The following LMBR1L variants were observed in gnomAD, a reference collection of about 807,000 sequenced individuals.
LMBR1L encodes limb development membrane protein 1 like.
A neutral mutation model predicts 67.3 loss-of-function variants in LMBR1L; 47 were observed. The ratio of observed to expected loss-of-function variants is 0.70; its 90% CI spans 0.55 to 0.89. LMBR1L has a LOEUF of 0.89. LMBR1L is among the 40% of genes least tolerant of loss of function. The pLI, the probability that LMBR1L is intolerant of heterozygous loss-of-function variation, is 0.00. For synonymous variants in LMBR1L, 247 were observed against 250.3 expected (o/e 0.99, Z 0.13); for missense variants, 533 against 599.2 (o/e 0.89, Z 1.15).
intron 1 of LMBR1L, chr12:49,110,169 A>C: frequency 1.8e-6 from 1 of 558,266 alleles, no homozygotes; most frequent in Non-Finnish European, 3.4e-6. Context: ...AGACTAAGGC[A>C]GACTCCGCAG....
In LMBR1L at chr12:49,104,856, AT is replaced by A; in HGVS notation, c.220del (p.Ile74LeufsTer83). 6.2e-7 allele frequency: 1 copy of A among 1,613,356 alleles called. No homozygotes were observed. The highest frequency in any genetic ancestry group is 1.1e-5 in the South Asian group (1 of 90,918). On this transcript the variant is annotated frameshift_variant, in exon 4 of 17. Coordinates refer to ENST00000267102, the MANE Select transcript of LMBR1L (RefSeq NM_018113.4). LOFTEE classifies it high-confidence loss of function. Reference protein sequence around the residue: ...ALELCTFTLAIALGAVLLLPF... With the variant: ...ALELCTFTLAXALGAVLLLPF... ...CAGGAGCAGGACAGCACCCAGGGCAATTGCCAGGGTAAAGGTGCACAGCTCG... is the reference window on the plus strand; with the variant it reads ...CAGGAGCAGGACAGCACCCAGGGCAATGCCAGGGTAAAGGTGCACAGCTCG...
chr12:49,108,134 A>G (rs1244715251), intron 1 of LMBR1L, among the ~76,000 whole-genome samples: 1 of 152,094 alleles, frequency 6.6e-6, no homozygotes, highest in African/African-American at 2.4e-5. Context: ...GTGGTGGTGC[A>G]TACCTGTAAT....
chr12:49,104,133 G>A, intron 5 of LMBR1L: 1 of 473,222 alleles, frequency 2.1e-6, no homozygotes, highest in Non-Finnish European at 3.7e-6. Context: ...ATGGAAGGTA[G>A]AAAAAAGGTG....
At position 49,106,985 on chromosome 12, in the gene LMBR1L, T is replaced by G; in HGVS notation, c.133A>C (p.Lys45Gln). ...CCTGTGGTGAACTCAGCAGGCTTCT[T>G]GAAGCGGGTCAGGAAGATGTGGCAG... Reference protein sequence around the residue: ...ILCHIFLTRFKKPAEFTTVDD... With the variant: ...ILCHIFLTRFQKPAEFTTVDD... The change falls in exon 2 of 17, where the codon AAG becomes CAG. Residue 45 changes from lysine (K) to glutamine (Q), a missense_variant. Around this residue, in one of 3 missense-constraint regions of LMBR1L, gnomAD observed 246 missense variants for 249.0 expected, o/e 0.99. Transcript: ENST00000267102. 1 of 1,613,440 alleles carries G rather than the reference T, an allele frequency of 6.2e-7. No individual in the cohort carries two copies. Among genetic ancestry groups the G allele is most frequent in the Non-Finnish European group, 8.5e-7 (1 of 1,179,374 alleles).
In LMBR1L at chr12:49,097,724, G is replaced by A. The variant is rs780315300; in HGVS notation, c.1418C>T (p.Pro473Leu). ...LIRAFGLDRL[P>L]LPVSGFPQAS... ...CTGGGGGAAACCGGAGACGGGCAGCGGCAGTCTGTCCAGCCCTGGAGAAGA... is the reference window on the plus strand; with the variant it reads ...CTGGGGGAAACCGGAGACGGGCAGCAGCAGTCTGTCCAGCCCTGGAGAAGA... Residue 473 changes from proline (P) to leucine (L), a missense_variant, in exon 17 of 17, where the codon CCG (proline) becomes CTG (leucine). By Grantham distance (98) the Pro-to-Leu change is moderately conservative. Around this residue, in one of 3 missense-constraint regions of LMBR1L, gnomAD observed 223 missense variants for 241.2 expected, o/e 0.92. Transcript: ENST00000267102. 15 of 1,613,866 alleles carry A rather than the reference G, an allele frequency of 9.3e-6. No homozygotes were observed. Among genetic ancestry groups the A allele is most frequent in the East Asian group, 4.5e-5 (2 of 44,896 alleles).
At chr12:49,101,664 C>G (rs1330039683) in intron 11 of LMBR1L, 115 bp from the exon 12 acceptor site, 7 of 732,816 alleles carry the variant, frequency 9.6e-6, no homozygotes, top group African/African-American at 1.8e-5. Context: ...AGCTCTGCTT[C>G]CAATGAGCTA....
intron 13 of LMBR1L, 101 bp downstream of exon 13, chr12:49,101,149 C>T (rs1940117569): frequency 1.2e-6 from 2 of 1,610,286 alleles, no homozygotes; most frequent in African/African-American, 1.3e-5. Flanking sequence ...ATCAGCGTTG[C>T]TCAGAGTCCC....
rs767969669 is a variant in LMBR1L, at chr12:49,100,365, T to A, written c.1240+23A>T. ...AGTACTCAAAAAAATCCAATTCCTT[T>A]ATCTCCTCCTTTCAATACTTACCCA... On this transcript the variant is annotated intron_variant, in intron 15 of 16. Transcript: ENST00000267102. 3.1e-6 allele frequency: 5 copies of A among 1,596,110 alleles called. No individual in the cohort carries two copies. In the African/African-American group the frequency reaches 6.8e-5, roughly 22 times the overall value.
At chr12:49,103,551 T>C (rs1940492600) in intron 6 of LMBR1L, 136 bp downstream of exon 6, 1 of 1,065,310 alleles carries the variant, frequency 9.4e-7, no homozygotes, top group African/African-American at 1.6e-5. Flanking sequence ...TTTGGCCAGA[T>C]GTCTATCAGT....
At chr12:49,102,415 A>G (rs377556839) in intron 9 of LMBR1L, 39 bp from the exon 10 acceptor site, 1 of 1,613,498 alleles carries the variant, frequency 6.2e-7, no homozygotes, top group Non-Finnish European at 8.5e-7. Context: ...CAAGTCCTGC[A>G]GTTTCTGCCC....
Position 49,100,605 on chromosome 12 carries a change from G to A in LMBR1L, c.1124C>T (p.Pro375Leu). Reference sequence around the variant, plus strand: ...TCTGGGCCGCAGGCTCCGGAAGAGTGGAGAGCTATAGAAGCCCACAACTGA... The same window carrying A: ...TCTGGGCCGCAGGCTCCGGAAGAGTAGAGAGCTATAGAAGCCCACAACTGA... ...VSSVVGFYSS[P>L]LFRSLRPRWH... is the part of the protein sequence containing the mutation. The change falls in exon 14 of 17, where the codon CCA (proline) becomes CTA (leucine). Residue 375 changes from proline to leucine, a missense_variant. Physicochemically the swap from Pro to Leu is moderately conservative, Grantham distance 98. Around this residue, in one of 3 missense-constraint regions of LMBR1L, gnomAD observed 223 missense variants for 241.2 expected, o/e 0.92. Transcript: ENST00000267102. 1 of 1,614,176 alleles carries A rather than the reference G, an allele frequency of 6.2e-7. No homozygotes were observed. The highest frequency in any genetic ancestry group is 1.1e-5 in the South Asian group (1 of 91,078).
chr12:49,108,819 T>C (rs541357800), intron 1 of LMBR1L, among the ~76,000 whole-genome samples: 7 of 152,044 alleles, frequency 4.6e-5, no homozygotes, highest in Middle Eastern at 3.4e-3. Context: ...GAATACAAGA[T>C]CAGTCTCATG....
chr12:49,104,150 T>A (rs1940583651), intron 5 of LMBR1L: 1 of 485,852 alleles, frequency 2.1e-6, no homozygotes, highest in Non-Finnish European at 3.7e-6. Context: ...GGTGAGGGTA[T>A]GTTTCCTGTG....
chr12:49,106,176 G>A (rs1940880108), intron 2 of LMBR1L: 1 of 565,626 alleles, frequency 1.8e-6, no homozygotes. Flanking sequence ...AGAGAATACA[G>A]GCCAGACATT....
intron 1 of LMBR1L, among the ~76,000 whole-genome samples, chr12:49,107,628 C>T (rs1941067820): frequency 6.6e-6 from 1 of 152,184 alleles, no homozygotes; most frequent in Admixed American, 6.6e-5. Context: ...TGGGCCAAAC[C>T]AGAGTCTCAT....
chr12:49,105,113 A>T, intron 3 of LMBR1L: 1 of 525,930 alleles, frequency 1.9e-6, no homozygotes, highest in Non-Finnish European at 3.4e-6. Context: ...TCGGGCATTC[A>T]TGGGAACCTG....
intron 2 of LMBR1L, 133 bp from the exon 3 acceptor site, chr12:49,106,090 G>T: frequency 1.4e-6 from 1 of 698,600 alleles, no homozygotes; most frequent in Non-Finnish European, 2.4e-6. Context: ...GGAGGCTCCA[G>T]GAGACCACAC....
chr12:49,109,516 G>A (rs1022211596), intron 1 of LMBR1L, among the ~76,000 whole-genome samples: 3 of 152,174 alleles, frequency 2.0e-5, no homozygotes, highest in Admixed American at 1.3e-4. Context: ...CCCAGCCTGA[G>A]AAAAATGAAG....
Position 49,110,550 on chromosome 12 carries a change from T to TTC in LMBR1L, c.4_5dup (p.Ala3LysfsTer40). ...CGGATAGCACTTCGTAGTCAGGTGC[T>TTC]TCCATACTCTGCTCAGCATGACTGA... is the stretch of plus-strand genomic sequence containing the variant. On this transcript the variant is annotated frameshift_variant, in exon 1 of 17. Transcript: ENST00000267102. LOFTEE classifies it high-confidence loss of function. The TTC allele has an allele frequency of 1.2e-6, 2 of 1,613,984 alleles. No homozygotes were observed. Among genetic ancestry groups the TTC allele is most frequent in the Non-Finnish European group, 1.7e-6 (2 of 1,179,908 alleles).
Sources: allele counts gnomAD v4.1 joint callset (sites outside exome capture counted in the v4.1 genomes callset), GRCh38; gene constraint gnomAD v4.1.1; regional missense constraint gnomAD v4.1.1; transcripts MANE v1.5; gene names NCBI Gene and HGNC (gene_info 2026-07-23, HGNC 2026-07-21).